Variants in CAMTA1 observed in about 807,000 individuals in gnomAD.
The protein encoded by CAMTA1 is calmodulin-binding transcription activator 1.
CAMTA1 carries 27 observed loss-of-function variants against 170.9 expected under a neutral mutation model. The observed-to-expected ratio is 0.16, with a 90% CI of 0.12 to 0.22. CAMTA1 has a LOEUF of 0.22. Among genes scored for constraint, CAMTA1 ranks in the 10% least tolerant of loss-of-function variants. The pLI is 1.00. For missense variants in CAMTA1, 1,619 were observed against 2,217.2 expected, an observed-to-expected ratio of 0.73 and a Z score of 5.42; for synonymous variants, 833 against 891.5, an observed-to-expected ratio of 0.93 and a Z score of 1.17.
At chr1:7,324,161 T>C (rs1283714003) in intron 5 of CAMTA1, among the ~76,000 whole-genome samples, 4 of 152,236 alleles carry the variant, frequency 2.6e-5, no homozygotes, top group Non-Finnish European at 5.9e-5. Context: ...GCTTTAAAGA[T>C]TTTAAGGCTA....
intron 20 of CAMTA1, 90 bp downstream of exon 20, chr1:7,751,482 T>G: frequency 8.4e-7 from 1 of 1,194,158 alleles, no homozygotes; most frequent in Non-Finnish European, 1.2e-6. Flanking sequence ...GACATTGGAG[T>G]CTGGGGTGGG....
intron 5 of CAMTA1, among the ~76,000 whole-genome samples, chr1:7,349,517 A>G (rs2084491958): frequency 6.6e-6 from 1 of 152,230 alleles, no homozygotes; most frequent in Admixed American, 6.5e-5. Context: ...AAGGCACCGC[A>G]CACGGGGCGA....
chr1:7,708,570 C>G (rs1393194001), intron 11 of CAMTA1, among the ~76,000 whole-genome samples: 1 of 152,130 alleles, frequency 6.6e-6, no homozygotes, highest in African/African-American at 2.4e-5. Context: ...AGTAAAGTTC[C>G]TTTGATAGAC....
At chr1:7,398,133 G>GAAGTTAGATATAAT in intron 5 of CAMTA1, among the ~76,000 whole-genome samples, 1 of 121,398 alleles carries the variant, frequency 8.2e-6, no homozygotes, top group South Asian at 2.7e-4. Context: ...TCTTCCTTCA[G>GAAGTTAGATATAAT]AAGTTAGATA....
intron 3 of CAMTA1, among the ~76,000 whole-genome samples, chr1:7,075,102 C>G (rs563332574): frequency 2.0e-5 from 3 of 152,324 alleles, no homozygotes; most frequent in Admixed American, 1.3e-4. Flanking sequence ...GGTTCTTATT[C>G]TGTATTTCTC....
At chr1:7,313,584 G>A (rs949813957) in intron 5 of CAMTA1, among the ~76,000 whole-genome samples, 1 of 152,054 alleles carries the variant, frequency 6.6e-6, no homozygotes, top group African/African-American at 2.4e-5. Flanking sequence ...ACCTAGAATT[G>A]GTATTTTTCT....
intron 4 of CAMTA1, among the ~76,000 whole-genome samples, chr1:7,164,799 G>A (rs1332378160): frequency 6.6e-6 from 1 of 152,252 alleles, no homozygotes. Context: ...CTAATTGTGT[G>A]TGGGTGTGTT....
intron 1 of CAMTA1, among the ~76,000 whole-genome samples, chr1:6,787,619 T>C (rs1298331183): frequency 6.6e-6 from 1 of 152,230 alleles, no homozygotes; most frequent in Non-Finnish European, 1.5e-5. Context: ...TTAACGTTGT[T>C]GGTAACTCTT....
chr1:7,678,905 A>G (rs2096153836), intron 11 of CAMTA1, among the ~76,000 whole-genome samples: 2 of 152,222 alleles, frequency 1.3e-5, no homozygotes, highest in African/African-American at 4.8e-5. Context: ...GCTTGGGTAC[A>G]TAGTTCATTT....
chr1:7,245,004 A>G (rs1225721617), intron 4 of CAMTA1, among the ~76,000 whole-genome samples: 1 of 152,022 alleles, frequency 6.6e-6, no homozygotes, highest in Non-Finnish European at 1.5e-5. Flanking sequence ...TGCATGAATC[A>G]AAACCTACTC....
At chr1:6,881,514 C>T (rs1490781581) in intron 3 of CAMTA1, among the ~76,000 whole-genome samples, 1 of 152,030 alleles carries the variant, frequency 6.6e-6, no homozygotes, top group Non-Finnish European at 1.5e-5. Flanking sequence ...GACAAGGAGG[C>T]CTGTGTTGCT....
rs1210138241 is a variant in CAMTA1, at chr1:7,642,240, A to G, written c.664+1687A>G. Among the ~76,000 whole-genome samples, 4 of 152,206 alleles carry G rather than the reference A, an allele frequency of 2.6e-5. No homozygotes were observed. In the East Asian group the frequency reaches 5.8e-4, roughly 22 times the overall value. On this transcript the variant is annotated intron_variant, in intron 7 of 22. Coordinates refer to ENST00000303635, the MANE Select transcript of CAMTA1 (RefSeq NM_015215.4). This position sits in a 1 kb window ranked among gnomAD's most constrained non-coding sequence, Gnocchi z 6.3. ...AAAATGCTGCCGAGCACCGGGAAGCATGGGGAAATGGCACAGCTGCCCTTG... is the reference window on the plus strand; with the variant it reads ...AAAATGCTGCCGAGCACCGGGAAGCGTGGGGAAATGGCACAGCTGCCCTTG...
chr1:7,033,884 G>A (rs977958177), intron 3 of CAMTA1, among the ~76,000 whole-genome samples: 1 of 152,020 alleles, frequency 6.6e-6, no homozygotes, highest in South Asian at 2.1e-4. Context: ...ATGAGCCACC[G>A]TGCCCAGCCT....
Position 7,054,137 on chromosome 1 carries a change from G to C in CAMTA1, c.235-37167G>C, listed in dbSNP as rs545384646. On this transcript the variant is annotated intron_variant, in intron 3 of 22. Transcript: ENST00000303635. The stretch of plus-strand genomic sequence containing the variant: ...GGTTGCACAAACAGGGGTCCCCTGG[G>C]CCTGCCCACTTGATTTCCTGCTGGG... 6.6e-5 allele frequency among the ~76,000 whole-genome samples: 10 copies of C among 152,296 alleles called. No individual in the cohort carries two copies. In the East Asian group the frequency reaches 1.7e-3, roughly 27 times the overall value.
intron 5 of CAMTA1, among the ~76,000 whole-genome samples, chr1:7,380,190 C>G (rs2087174854): frequency 6.6e-6 from 1 of 152,294 alleles, no homozygotes; most frequent in Non-Finnish European, 1.5e-5. Flanking sequence ...GAGGATTTCC[C>G]AGGAGCCCAT....
At chr1:7,649,131 C>T (rs532059065) in intron 7 of CAMTA1, among the ~76,000 whole-genome samples, 5 of 152,362 alleles carry the variant, frequency 3.3e-5, no homozygotes, top group African/African-American at 4.8e-5. Context: ...TTAAGAAATA[C>T]GACTCTAGAA....
intron 4 of CAMTA1, among the ~76,000 whole-genome samples, chr1:7,159,648 A>G (rs1006893642): frequency 6.6e-6 from 1 of 152,114 alleles, no homozygotes; most frequent in Admixed American, 6.5e-5. Flanking sequence ...GGCTCGAGCA[A>G]TCCTCCCACC....
At chr1:6,944,451 C>T (rs1423126492) in intron 3 of CAMTA1, among the ~76,000 whole-genome samples, 9 of 152,154 alleles carry the variant, frequency 5.9e-5, no homozygotes, top group Admixed American at 5.2e-4. Flanking sequence ...TACACCCCAC[C>T]CCATCACGTC....
intron 6 of CAMTA1, among the ~76,000 whole-genome samples, chr1:7,548,577 TGGTGTAGGGTGTCCCCTTAGG>T (rs2094739811): frequency 7.5e-6 from 1 of 133,210 alleles, no homozygotes; most frequent in African/African-American, 2.9e-5. Flanking sequence ...GTGGAGGTGC[TGGTGTAGGGTGTCCCCTTAGG>T]GGTGGAGATG....
Sources: gnomAD v4.1 joint callset for allele counts (sites outside exome capture counted in the v4.1 genomes callset) on GRCh38, gnomAD v4.1.1 for gene constraint, Gnocchi (gnomAD v3.1) non-coding constraint, MANE v1.5 for transcripts, NCBI Gene and HGNC (gene_info 2026-07-23, HGNC 2026-07-21) for gene names.